The following ZFAT variants were observed in gnomAD, a reference collection of about 807,000 sequenced individuals.
The protein encoded by ZFAT is zinc finger and AT-hook domain containing.
Under a neutral mutation model 117.7 loss-of-function variants are expected in ZFAT, and 64 were observed. The observed-to-expected ratio is 0.54, with a 90% CI of 0.44 to 0.67. The LOEUF (loss-of-function observed/expected upper bound fraction) is 0.67, where lower values mean the gene tolerates loss of function less well. ZFAT is among the 30% of genes least tolerant of loss of function. The probability of loss-of-function intolerance (pLI) is 0.00; values close to 1 mark genes in which losing one functional copy is unlikely to be tolerated. For missense variants in ZFAT, 1,433 were observed against 1,584.5 expected (o/e 0.90, Z 1.62); for synonymous variants, 679 against 615.0 (o/e 1.10, Z -1.54).
the ZFAT span, among the ~76,000 whole-genome samples, chr8:134,751,308 C>T: frequency 6.6e-6 from 1 of 152,118 alleles, no homozygotes; most frequent in Non-Finnish European, 1.5e-5. Context: ...GCTCCAAGAC[C>T]AAGTGCTGGG....
At chr8:134,551,424 C>T (rs562093493) in intron 11 of ZFAT, among the ~76,000 whole-genome samples, 109 of 152,336 alleles carry the variant, frequency 7.2e-4, no homozygotes, top group African/African-American at 2.6e-3. Context: ...AACCAGTCCA[C>T]CCGTCTTATT....
At chr8:134,606,176 AC>A (rs1455223777) in intron 5 of ZFAT, among the ~76,000 whole-genome samples, 1 of 152,216 alleles carries the variant, frequency 6.6e-6, no homozygotes, top group Admixed American at 6.5e-5. Flanking sequence ...CTGGGGAACC[AC>A]AGCAGGTGGA....
chr8:134,755,204 G>GTTTC, the ZFAT span, among the ~76,000 whole-genome samples: 815 of 148,468 alleles, frequency 5.5e-3, 9 homozygotes, highest in African/African-American at 0.019. Context: ...AGGAGTTCAA[G>GTTTC]ACCAGCCTGG....
chr8:134,606,019 T>A (rs986934616), intron 5 of ZFAT, among the ~76,000 whole-genome samples: 9 of 152,038 alleles, frequency 5.9e-5, no homozygotes, highest in Non-Finnish European at 1.3e-4. Flanking sequence ...GGACAAGACA[T>A]TTGAGCAGAA....
chr8:134,611,003 T>C (rs369315969), intron 3 of ZFAT, among the ~76,000 whole-genome samples: 15 of 152,364 alleles, frequency 9.8e-5, no homozygotes, highest in African/African-American at 1.7e-4. Context: ...AAGATTTATA[T>C]TCTAAGAAAT....
intron 15 of ZFAT, among the ~76,000 whole-genome samples, chr8:134,493,551 G>C (rs777738451): frequency 1.3e-5 from 2 of 152,238 alleles, no homozygotes; most frequent in African/African-American, 2.4e-5. Flanking sequence ...ATAATCATTT[G>C]ACTAGAAAAG....
At chr8:134,597,044 T>C (rs1827004891) in intron 7 of ZFAT, among the ~76,000 whole-genome samples, 1 of 152,140 alleles carries the variant, frequency 6.6e-6, no homozygotes, top group Non-Finnish European at 1.5e-5. Flanking sequence ...TTGTATGCTA[T>C]GTAAAATATA....
chr8:134,696,078 G>A (rs533968229), intron 1 of ZFAT, among the ~76,000 whole-genome samples: 34 of 151,934 alleles, frequency 2.2e-4, no homozygotes, highest in African/African-American at 8.0e-4. Context: ...TAACTAAGGA[G>A]GAGCTGCCCC....
rs557460917 is a variant in ZFAT, at chr8:134,490,379, GC to G, written c.3493-11659del. 8.5e-5 allele frequency among the ~76,000 whole-genome samples: 13 copies of G among 152,340 alleles called. No homozygotes were observed. In the South Asian group the frequency reaches 2.7e-3, roughly 32 times the overall value. On this transcript the variant is annotated intron_variant, in intron 15 of 15. Coordinates refer to ENST00000377838, the MANE Select transcript of ZFAT (RefSeq NM_020863.4). ...GCTTCAAACCTCCCCTGGAGTCCATGCCTGGGTTCAACCACGAAGAGGACTA... is the reference window on the plus strand; with the variant it reads ...GCTTCAAACCTCCCCTGGAGTCCATGCTGGGTTCAACCACGAAGAGGACTA...
At chr8:134,717,020 G>T (rs909073591), upstream of ZFAT, among the ~76,000 whole-genome samples, 2 of 152,272 alleles carry the variant, frequency 1.3e-5, no homozygotes, top group Admixed American at 1.3e-4. Context: ...AGGACCAGTG[G>T]TCTCATAAAT....
intron 10 of ZFAT, among the ~76,000 whole-genome samples, chr8:134,573,769 T>G (rs1020872244): frequency 6.6e-6 from 1 of 152,248 alleles, no homozygotes; most frequent in African/African-American, 2.4e-5. Flanking sequence ...CCTCTTTCTT[T>G]GCCTAAGCAT....
intron 7 of ZFAT, 56 bp from the exon 8 acceptor site, chr8:134,590,411 A>G: frequency 1.4e-6 from 2 of 1,454,852 alleles, no homozygotes; most frequent in Non-Finnish European, 1.9e-6. Context: ...TGTGGTCTGT[A>G]AAAAATAACC....
chr8:134,478,868 G>T lies in ZFAT; in HGVS notation c.3493-147C>A. 7.9e-7 allele frequency: 1 copy of T among 1,266,730 alleles called. No homozygotes were observed. The highest frequency in any genetic ancestry group is 1.1e-6 in the Non-Finnish European group (1 of 933,050). 78.5% of individuals were successfully genotyped at this position (1,266,730 alleles called of 1,614,324 possible). ...GGATCCTCTCTACCAGGCTGTGCTTGCTCTCATGCCCATTTTACAGCTGAA... is the reference window on the plus strand; with the variant it reads ...GGATCCTCTCTACCAGGCTGTGCTTTCTCTCATGCCCATTTTACAGCTGAA... On this transcript the variant is annotated intron_variant, in intron 15 of 15. Coordinates refer to ENST00000377838, the MANE Select transcript of ZFAT (RefSeq NM_020863.4). This position sits in a 1 kb window ranked among gnomAD's most constrained non-coding sequence, Gnocchi z 5.2.
At chr8:134,829,850 A>G in the ZFAT span, among the ~76,000 whole-genome samples, 1 of 152,260 alleles carries the variant, frequency 6.6e-6, no homozygotes. Flanking sequence ...GGTAGAATAT[A>G]CAAGAAATAC....
chr8:134,808,914 A>G, the ZFAT span, among the ~76,000 whole-genome samples: 1 of 152,222 alleles, frequency 6.6e-6, no homozygotes, highest in African/African-American at 2.4e-5. Flanking sequence ...AGTTTGCCTA[A>G]GATACTATAA....
At chr8:134,546,284 G>C (rs1822685204) in intron 11 of ZFAT, among the ~76,000 whole-genome samples, 1 of 152,222 alleles carries the variant, frequency 6.6e-6, no homozygotes. Flanking sequence ...TGGAGAGATG[G>C]TCTTGATCAT....
chr8:134,633,451 G>A (rs1830017076), intron 3 of ZFAT, among the ~76,000 whole-genome samples: 1 of 152,248 alleles, frequency 6.6e-6, no homozygotes, highest in Non-Finnish European at 1.5e-5. Flanking sequence ...GTTCACCTGA[G>A]TAGTGCTTTT....
intron 1 of ZFAT, chr8:134,696,327 A>G (rs954013161): frequency 3.2e-6 from 3 of 951,258 alleles, no homozygotes; most frequent in African/African-American, 1.8e-5. Flanking sequence ...TCCTGCCAGG[A>G]GTTGCTATAG....
upstream of ZFAT, among the ~76,000 whole-genome samples, chr8:134,717,478 T>TTTTTTTTTTTTTC (rs1814224932): frequency 1.3e-5 from 1 of 74,242 alleles, no homozygotes; most frequent in Non-Finnish European, 2.5e-5. Flanking sequence ...TTTTTTTTTT[T>TTTTTTTTTTTTTC]TTTTTTTTTT....
Sources: allele counts gnomAD v4.1 joint callset (sites outside exome capture counted in the v4.1 genomes callset), GRCh38; gene constraint gnomAD v4.1.1; non-coding constraint Gnocchi (gnomAD v3.1); transcripts MANE v1.5; gene names NCBI Gene and HGNC (gene_info 2026-07-23, HGNC 2026-07-21).